ENPP6: variants seen among roughly 807,000 people sequenced by gnomAD.
The protein encoded by ENPP6 is glycerophosphocholine cholinephosphodiesterase ENPP6.
A neutral mutation model predicts 42.0 loss-of-function variants in ENPP6; 32 were observed. The ratio of observed to expected loss-of-function variants is 0.76; its 90% CI spans 0.58 to 1.02. ENPP6 has a LOEUF of 1.02. Among genes scored for constraint, ENPP6 ranks in the 50% least tolerant of loss-of-function variants. The pLI, the probability that ENPP6 is intolerant of heterozygous loss-of-function variation, is 0.00. For missense variants in ENPP6, 552 were observed against 566.8 expected (o/e 0.97, Z 0.27); for synonymous variants, 213 against 216.0 (o/e 0.99, Z 0.12).
At chr4:184,113,009 T>G (rs1159517836) in intron 5 of ENPP6, among the ~76,000 whole-genome samples, 200 bp from the exon 6 acceptor site, 1 of 152,204 alleles carries the variant, frequency 6.6e-6, no homozygotes, top group East Asian at 1.9e-4. Context: ...AGGCTGAAGA[T>G]CCTCACACTC....
At chr4:184,174,453 A>G (rs1737528691) in intron 1 of ENPP6, among the ~76,000 whole-genome samples, 2 of 152,166 alleles carry the variant, frequency 1.3e-5, no homozygotes, top group African/African-American at 4.8e-5. Flanking sequence ...CACCTGCAAC[A>G]TATGTAACAA....
chr4:184,097,416 G>T (rs376248197), intron 6 of ENPP6, 48 bp from the exon 7 acceptor site: 4 of 1,605,778 alleles, frequency 2.5e-6, no homozygotes, highest in Non-Finnish European at 3.4e-6. Flanking sequence ...TGACCGTGGC[G>T]CTGAGCGGGC....
intron 1 of ENPP6, among the ~76,000 whole-genome samples, chr4:184,203,085 A>T (rs1732931406): frequency 1.1e-5 from 1 of 89,280 alleles, no homozygotes; most frequent in African/African-American, 3.7e-5. Context: ...CTCTACTAAA[A>T]ATACAAAAAA....
At chr4:184,101,906 C>T (rs891313257) in intron 6 of ENPP6, among the ~76,000 whole-genome samples, 4 of 152,196 alleles carry the variant, frequency 2.6e-5, no homozygotes, top group African/African-American at 7.2e-5. Context: ...CACCAGGACG[C>T]GCGGTGAGAA....
intron 6 of ENPP6, among the ~76,000 whole-genome samples, chr4:184,105,324 G>A (rs569054050): frequency 6.6e-6 from 1 of 152,320 alleles, no homozygotes; most frequent in South Asian, 2.1e-4. Context: ...GATGATGGTA[G>A]AACTTCTGTT....
intron 1 of ENPP6, among the ~76,000 whole-genome samples, chr4:184,161,749 G>A (rs536928260): frequency 8.5e-5 from 13 of 152,338 alleles, no homozygotes; most frequent in African/African-American, 2.9e-4. Context: ...GATAGAATTA[G>A]AGACCATTAT....
chr4:184,116,729 G>A, intron 5 of ENPP6, 127 bp downstream of exon 5: 2 of 1,304,922 alleles, frequency 1.5e-6, no homozygotes, highest in Non-Finnish European at 2.1e-6. Context: ...GTGAAACTCT[G>A]CCTCAAAAAA....
intron 1 of ENPP6, among the ~76,000 whole-genome samples, chr4:184,166,977 C>A (rs1350150234): frequency 6.6e-6 from 1 of 152,190 alleles, no homozygotes; most frequent in Non-Finnish European, 1.5e-5. Flanking sequence ...GTGTCTTGAC[C>A]CAGGACAGAA....
At position 184,206,289 on chromosome 4, in the gene ENPP6, G is replaced by A. The variant is rs551728501; in HGVS notation, c.241+11290C>T. On this transcript the variant is annotated intron_variant, in intron 1 of 7. Transcript: ENST00000296741. ...TTTTTTTTTTTTGAGACGGAGTCTC[G>A]CTCTGTCGCCCAGGCTGGAGTGCAG... Among the ~76,000 whole-genome samples the A allele has an allele frequency of 1.6e-4, 18 of 109,342 alleles. 1 individual carries two copies. The South Asian group carries it at 5.9e-3, about 36-fold the overall frequency. 71.7% of individuals were successfully genotyped at this position (109,342 alleles called of 152,430 possible).
At position 184,117,063 on chromosome 4, in the gene ENPP6, C is replaced by T. The variant is rs111699439; in HGVS notation, c.676-28G>A. 1.5e-3 allele frequency: 2,468 copies of T among 1,613,464 alleles called. 32 individuals carry two copies. The African/African-American group carries it at 0.025, about 17-fold the overall frequency. On this transcript the variant is annotated intron_variant, in intron 4 of 7. Coordinates refer to ENST00000296741, the MANE Select transcript of ENPP6 (RefSeq NM_153343.4). ...GTGGGGTGGGAAAAGACAGTCATTA[C>T]GGCACCAACAGAGAGGCTCGTGCAC...
chr4:184,164,037 GCA>G (rs1307370145), intron 1 of ENPP6, among the ~76,000 whole-genome samples: 26 of 152,242 alleles, frequency 1.7e-4, no homozygotes, highest in African/African-American at 6.0e-4. Flanking sequence ...ACGTGTGACA[GCA>G]CAGGGACCTG....
At chr4:184,207,639 C>G (rs1045454233) in intron 1 of ENPP6, among the ~76,000 whole-genome samples, 2 of 152,244 alleles carry the variant, frequency 1.3e-5, no homozygotes, top group African/African-American at 4.8e-5. Context: ...ACGCCGGTGG[C>G]TGTTTCTTCC....
chr4:184,120,619 GAC>G (rs1736399939), intron 3 of ENPP6, among the ~76,000 whole-genome samples: 1 of 152,172 alleles, frequency 6.6e-6, no homozygotes, highest in Non-Finnish European at 1.5e-5. Context: ...CTGCAAATCG[GAC>G]TTCCAGAAGG....
At chr4:184,139,497 C>T (rs1736785104) in intron 2 of ENPP6, among the ~76,000 whole-genome samples, 1 of 115,458 alleles carries the variant, frequency 8.7e-6, no homozygotes, top group South Asian at 3.7e-4. Context: ...CCAATGCTAT[C>T]CCTCCCCCCT....
At chr4:184,145,794 T>C (rs1481714544) in intron 2 of ENPP6, among the ~76,000 whole-genome samples, 3 of 152,224 alleles carry the variant, frequency 2.0e-5, no homozygotes, top group Non-Finnish European at 4.4e-5. Flanking sequence ...GAATGCAGTT[T>C]GAAAACCTCC....
intron 6 of ENPP6, among the ~76,000 whole-genome samples, chr4:184,107,564 C>T (rs571808902): frequency 1.1e-3 from 170 of 152,246 alleles, no homozygotes; most frequent in African/African-American, 3.9e-3. Flanking sequence ...ATCACAAGGT[C>T]AGGAGTTCGA....
chr4:184,117,627 C>T, intron 4 of ENPP6, 132 bp downstream of exon 4: 1 of 1,335,264 alleles, frequency 7.5e-7, no homozygotes, highest in Non-Finnish European at 1.0e-6. Flanking sequence ...AGCCAAGGGA[C>T]TCGTCAAAGC....
At chr4:184,109,340 A>G (rs866349706) in intron 6 of ENPP6, among the ~76,000 whole-genome samples, 7 of 152,242 alleles carry the variant, frequency 4.6e-5, no homozygotes, top group Non-Finnish European at 8.8e-5. Flanking sequence ...CAAGAGAGCT[A>G]TTATTATGCA....
chr4:184,158,479 C>G (rs183887740), intron 1 of ENPP6, among the ~76,000 whole-genome samples: 2 of 152,276 alleles, frequency 1.3e-5, no homozygotes, highest in East Asian at 1.9e-4. Context: ...TTCTCCTACT[C>G]TCAGTTATAC....
Sources: allele counts gnomAD v4.1 joint callset (sites outside exome capture counted in the v4.1 genomes callset), GRCh38; gene constraint gnomAD v4.1.1; transcripts MANE v1.5; gene names NCBI Gene and HGNC (gene_info 2026-07-23, HGNC 2026-07-21).